The following MYH9 variants were observed in gnomAD, a reference collection of about 807,000 sequenced individuals.
MYH9 encodes myosin heavy chain 9.
MYH9 carries 29 observed loss-of-function variants against 241.9 expected under a neutral mutation model. The ratio of observed to expected loss-of-function variants is 0.12; its 90% CI spans 0.09 to 0.16. MYH9 has a LOEUF of 0.16. Ranked by LOEUF, MYH9 falls within the 10% of genes least tolerant of loss-of-function variation. The probability of loss-of-function intolerance (pLI) is 1.00; values close to 1 mark genes in which losing one functional copy is unlikely to be tolerated. For synonymous variants in MYH9, 1,047 were observed against 1,062.6 expected (o/e 0.99, Z 0.29); for missense variants, 1,803 against 2,595.5 (o/e 0.69, Z 6.63).
intron 1 of MYH9, among the ~76,000 whole-genome samples, chr22:36,384,051 G>T (rs1018457877): frequency 2.0e-5 from 3 of 150,806 alleles, no homozygotes; most frequent in African/African-American, 4.9e-5. Flanking sequence ...CCGGTGGATC[G>T]CTTGAGGTCA....
At chr22:36,338,087 G>A (rs2017527061) in intron 3 of MYH9, among the ~76,000 whole-genome samples, 1 of 151,142 alleles carries the variant, frequency 6.6e-6, no homozygotes, top group South Asian at 2.1e-4. Context: ...AACCTCCGCC[G>A]CCCAGGTTCA....
Position 36,314,330 on chromosome 22 carries a change from G to A in MYH9, c.1381-12C>T. On this transcript the variant is annotated splice_polypyrimidine_tract_variant and intron_variant, in intron 12 of 40. Coordinates refer to ENST00000216181, the MANE Select transcript of MYH9 (RefSeq NM_002473.6). ...TCAAACGAGTTCAGCTGCAAGGAGA[G>A]AAAACAATGTCAGAGAGACGCCAAC... 6.2e-7 allele frequency: 1 copy of A among 1,613,988 alleles called. No individual in the cohort carries two copies. Among genetic ancestry groups the A allele is most frequent in the East Asian group, 2.2e-5 (1 of 44,884 alleles).
chr22:36,355,984 G>A (rs1277742917), intron 1 of MYH9, among the ~76,000 whole-genome samples: 2 of 152,212 alleles, frequency 1.3e-5, no homozygotes, highest in Non-Finnish European at 2.9e-5. Flanking sequence ...AGGTGGGAGT[G>A]TGACCTTGGG....
chr22:36,326,088 A>T (rs926430334), intron 5 of MYH9, among the ~76,000 whole-genome samples: 1 of 152,098 alleles, frequency 6.6e-6, no homozygotes, highest in Non-Finnish European at 1.5e-5. Context: ...AATGGAGGTG[A>T]GATGACTTTC....
At chr22:36,289,955 G>C (rs2016657733) in intron 31 of MYH9, among the ~76,000 whole-genome samples, 2 of 152,098 alleles carry the variant, frequency 1.3e-5, no homozygotes. Context: ...GAACCATGGA[G>C]CGTGGCTGTG....
chr22:36,282,843 C>T, intron 40 of MYH9, 58 bp from the exon 41 acceptor site: 1 of 1,424,990 alleles, frequency 7.0e-7, no homozygotes, highest in Non-Finnish European at 9.6e-7. Flanking sequence ...GGGGCGGCCA[C>T]AGCACAGCCC....
chr22:36,331,993 G>A (rs2017427821), intron 3 of MYH9, among the ~76,000 whole-genome samples: 1 of 152,230 alleles, frequency 6.6e-6, no homozygotes, highest in South Asian at 2.1e-4. Context: ...GGCCCCTGGG[G>A]GGTGGCTTGC....
chr22:36,319,762 G>A, intron 9 of MYH9, 127 bp from the exon 10 acceptor site: 2 of 920,882 alleles, frequency 2.2e-6, no homozygotes, highest in Non-Finnish European at 3.4e-6. Context: ...AACTCCCTGG[G>A]GCCACAGGGG....
chr22:36,364,709 G>A (rs1384345506), intron 1 of MYH9: 1 of 152,208 alleles, frequency 6.6e-6, no homozygotes, highest in East Asian at 1.9e-4. Context: ...TGATCAAGCG[G>A]TCATTACAGT....
At chr22:36,301,796 T>G in intron 20 of MYH9, 131 bp from the exon 21 acceptor site, 1 of 1,271,628 alleles carries the variant, frequency 7.9e-7, no homozygotes. Flanking sequence ...TGGTGGGGGC[T>G]GCAAGCAGGC....
In MYH9 at chr22:36,289,227, C is replaced by T. The variant is rs746179857; in HGVS notation, c.4415G>A (p.Arg1472Gln). The change falls in exon 32 of 41, where the codon CGA (arginine) becomes CAA (glutamine). Residue 1472 changes from arginine to glutamine, a missense_variant. By Grantham distance (43) the Arg-to-Gln change is conservative. Transcript: ENST00000216181. ...CGACAGAGCCTTGGTCTCCTTCTCT[C>T]GGGCCTCCGCCTCAGCCCGGTCGCG... ...EERDRAEAEA[R>Q]EKETKALSLA... 5.6e-6 allele frequency: 9 copies of T among 1,612,934 alleles called. No individual in the cohort carries two copies. In the East Asian group the frequency reaches 6.7e-5, roughly 12 times the overall value.
chr22:36,363,216 C>T (rs928564568), intron 1 of MYH9, among the ~76,000 whole-genome samples: 23 of 152,232 alleles, frequency 1.5e-4, no homozygotes, highest in Non-Finnish European at 3.4e-4. Context: ...CCCCAACAGG[C>T]CCAGCGCAAT....
chr22:36,314,379 C>A (rs1328719931), intron 12 of MYH9, 61 bp from the exon 13 acceptor site: 5 of 1,598,814 alleles, frequency 3.1e-6, no homozygotes, highest in East Asian at 4.5e-5. Context: ...GGCCCAGACA[C>A]CCCTTGAGAA....
intron 4 of MYH9, among the ~76,000 whole-genome samples, 200 bp from the exon 5 acceptor site, chr22:36,326,861 C>A (rs751039218): frequency 4.6e-5 from 7 of 152,216 alleles, no homozygotes; most frequent in Non-Finnish European, 8.8e-5. Flanking sequence ...AGGGGCCAGA[C>A]AGAAGTAAAC....
chr22:36,371,441 T>G (rs2018088451), intron 1 of MYH9, among the ~76,000 whole-genome samples: 1 of 152,212 alleles, frequency 6.6e-6, no homozygotes, highest in South Asian at 2.1e-4. Context: ...CACCTTGATC[T>G]TGCATTTCCA....
At chr22:36,296,173 T>C (rs4821479) in intron 25 of MYH9, among the ~76,000 whole-genome samples, 148,138 of 152,258 alleles carry the variant, frequency 0.97, 72,058 homozygotes, top group East Asian at 1. Flanking sequence ...AGTGGGGCAG[T>C]GGATAGATGG....
chr22:36,344,671 A>G, intron 2 of MYH9, among the ~76,000 whole-genome samples: 1 of 152,230 alleles, frequency 6.6e-6, no homozygotes, highest in East Asian at 1.9e-4. Flanking sequence ...CTCCAGCCAA[A>G]GAGTTCTAGA....
At position 36,295,310 on chromosome 22, in the gene MYH9, A is replaced by G. The variant is rs1448002011; in HGVS notation, c.3485+195T>C. On this transcript the variant is annotated intron_variant, in intron 26 of 40. Coordinates refer to ENST00000216181, the MANE Select transcript of MYH9 (RefSeq NM_002473.6). The surrounding 1 kb of genome is among the most constrained non-coding windows in gnomAD (Gnocchi z 4.1). ...CAGCCTTGCCTCACCCCCAACTTTG[A>G]GCCAGGTCCTTCAACAGACTTTCTA... Among the ~76,000 whole-genome samples, 1 of 152,066 alleles carries G rather than the reference A, an allele frequency of 6.6e-6. No homozygotes were observed. Among genetic ancestry groups the G allele is most frequent in the East Asian group, 1.9e-4 (1 of 5,166 alleles).
At chr22:36,313,752 A>C (rs1440749037) in intron 13 of MYH9, among the ~76,000 whole-genome samples, 1 of 152,170 alleles carries the variant, frequency 6.6e-6, no homozygotes, top group Admixed American at 6.5e-5. Flanking sequence ...TGCTACAGTG[A>C]AAGCAGCCCG....
Sources: allele counts gnomAD v4.1 joint callset (sites outside exome capture counted in the v4.1 genomes callset), GRCh38; gene constraint gnomAD v4.1.1; non-coding constraint Gnocchi (gnomAD v3.1); transcripts MANE v1.5; gene names NCBI Gene and HGNC (gene_info 2026-07-23, HGNC 2026-07-21).